Variants in MTAP observed in about 807,000 individuals in gnomAD.
MTAP encodes the protein S-methyl-5'-thioadenosine phosphorylase.
A neutral mutation model predicts 33.6 loss-of-function variants in MTAP; 33 were observed. The observed-to-expected ratio is 0.98, with a 90% CI of 0.74 to 1.31. The LOEUF (loss-of-function observed/expected upper bound fraction) is 1.31. Ranked by LOEUF, MTAP falls within the 40% of genes most tolerant of loss-of-function variation. The pLI is 0.00. For synonymous variants in MTAP, 148 were observed against 125.7 expected (o/e 1.18, Z -1.19); for missense variants, 367 against 360.0 (o/e 1.02, Z -0.16).
At chr9:21,924,788 AAGTT>A (rs1413010166) in intron 1 of MTAP, among the ~76,000 whole-genome samples, 2 of 152,224 alleles carry the variant, frequency 1.3e-5, no homozygotes, top group Non-Finnish European at 2.9e-5. Context: ...TCCCTTCAAG[AAGTT>A]AGTTGACCTA....
intron 1 of MTAP, among the ~76,000 whole-genome samples, chr9:21,883,936 A>G (rs1396351194): frequency 6.6e-6 from 1 of 151,762 alleles, no homozygotes; most frequent in East Asian, 1.9e-4. Context: ...GTCATGTGGG[A>G]GCTTTGGTTT....
intron 4 of MTAP, among the ~76,000 whole-genome samples, chr9:21,827,904 A>G (rs574605420): frequency 1.3e-5 from 2 of 152,374 alleles, no homozygotes; most frequent in Admixed American, 1.3e-4. Flanking sequence ...CATATTCAGG[A>G]TGATCCAGAT....
chr9:21,924,846 T>A (rs1220627538), intron 1 of MTAP, among the ~76,000 whole-genome samples: 1 of 152,214 alleles, frequency 6.6e-6, no homozygotes, highest in Non-Finnish European at 1.5e-5. Flanking sequence ...TGAGTCAAAT[T>A]AAAACAGAAC....
At chr9:21,885,106 A>T (rs1395070537) in intron 1 of MTAP, among the ~76,000 whole-genome samples, 6 of 152,112 alleles carry the variant, frequency 3.9e-5, no homozygotes, top group Non-Finnish European at 8.8e-5. Context: ...TTCATACTTT[A>T]TATATAAATT....
intron 1 of MTAP, among the ~76,000 whole-genome samples, chr9:21,916,371 A>G (rs117590234): frequency 0.025 from 3,769 of 152,246 alleles, 108 homozygotes; most frequent in Admixed American, 0.081. Context: ...GCACTTTAGG[A>G]GGCCGAGACG....
intron 7 of MTAP, chr9:21,861,351 A>G (rs1825748883): frequency 6.6e-6 from 1 of 152,238 alleles, no homozygotes; most frequent in South Asian, 2.1e-4. Context: ...ACATACATAT[A>G]CACACACACA....
chr9:21,863,421 T>G lies in MTAP; in HGVS notation c.*1407T>G, dbSNP rs1478663053. 1.5e-6 allele frequency: 1 copy of G among 689,448 alleles called. No individual in the cohort carries two copies. Among genetic ancestry groups the G allele is most frequent in the Non-Finnish European group, 1.8e-6 (1 of 559,872 alleles). The allele number at this position is 689,448 out of a possible 1,614,324, so 42.7% of individuals were successfully genotyped here. ...AGGAGATCGAGACCATCCTGGCTAATGCGTTGAAACTCCGTCTCTACTAAA... is the reference window on the plus strand; with the variant it reads ...AGGAGATCGAGACCATCCTGGCTAAGGCGTTGAAACTCCGTCTCTACTAAA... On this transcript the variant is annotated 3_prime_UTR_variant, in exon 8 of 8. Transcript: ENST00000644715.
intron 5 of MTAP, among the ~76,000 whole-genome samples, chr9:21,843,389 T>TAA (rs1452261098): frequency 6.6e-6 from 1 of 152,160 alleles, no homozygotes; most frequent in African/African-American, 2.4e-5. Flanking sequence ...ACAATGGACT[T>TAA]AAACTATAAC....
chr9:21,901,356 G>A (rs191226217), intron 1 of MTAP, among the ~76,000 whole-genome samples: 1 of 152,134 alleles, frequency 6.6e-6, no homozygotes, highest in Non-Finnish European at 1.5e-5. Context: ...AATTTTTTTA[G>A]TATTCATAAC....
chr9:21,823,758 G>A (rs1329107695), intron 4 of MTAP, among the ~76,000 whole-genome samples: 4 of 152,174 alleles, frequency 2.6e-5, no homozygotes, highest in African/African-American at 9.7e-5. Flanking sequence ...CCAATCAGAT[G>A]TAGATTTGGT....
chr9:21,826,270 A>C (rs1436817220), intron 4 of MTAP, among the ~76,000 whole-genome samples: 1 of 151,216 alleles, frequency 6.6e-6, no homozygotes, highest in Non-Finnish European at 1.5e-5. Flanking sequence ...TTGTCTCATG[A>C]ACTTTTTTTT....
At chr9:21,937,343 A>C (rs1329155014) in exon 8 of MTAP, 1 of 152,218 alleles carries the variant, frequency 6.6e-6, no homozygotes, top group African/African-American at 2.4e-5. Context: ...ATCTCAAAAA[A>C]AAAAAGAGTC....
chr9:21,936,420 C>T (rs1349578200), exon 8 of MTAP: 1 of 152,182 alleles, frequency 6.6e-6, no homozygotes, highest in Non-Finnish European at 1.5e-5. Flanking sequence ...ACTTTTCTTT[C>T]TCAATAGCTT....
At chr9:21,928,476 G>A (rs1054172176) in intron 1 of MTAP, among the ~76,000 whole-genome samples, 1 of 152,070 alleles carries the variant, frequency 6.6e-6, no homozygotes, top group Admixed American at 6.5e-5. Flanking sequence ...GGTCTGTGTA[G>A]GTACCTTCAC....
chr9:21,912,418 C>A (rs10119704), intron 1 of MTAP, among the ~76,000 whole-genome samples: 3,227 of 152,166 alleles, frequency 0.021, 119 homozygotes, highest in African/African-American at 0.071. Context: ...GCAGCACATC[C>A]AAAAGCTTAA....
At chr9:21,848,404 T>A (rs1156596548) in intron 5 of MTAP, among the ~76,000 whole-genome samples, 3 of 125,076 alleles carry the variant, frequency 2.4e-5, no homozygotes, top group African/African-American at 8.3e-5. Context: ...GAAAATGGAG[T>A]TGGATCAGGC....
intron 6 of MTAP, chr9:21,856,118 C>T (rs894486038): frequency 1.1e-5 from 11 of 980,272 alleles, no homozygotes; most frequent in African/African-American, 3.5e-5. Flanking sequence ...TAAACTAGAT[C>T]GTTCGTCCTG....
intron 4 of MTAP, among the ~76,000 whole-genome samples, chr9:21,830,489 A>G (rs1249451575): frequency 6.6e-6 from 1 of 152,220 alleles, no homozygotes; most frequent in East Asian, 1.9e-4. Flanking sequence ...AGGGTAAAAG[A>G]TGGTTAGGAG....
At position 21,915,084 on chromosome 9, in the gene MTAP, C is replaced by CTTTCTCTTTCTTTCTTTCTTTCTTT. The variant is rs369342496; in HGVS notation, c.148-15924_148-15923insTTTCTCTTTCTTTCTTTCTTTCTTT. Among the ~76,000 whole-genome samples the CTTTCTCTTTCTTTCTTTCTTTCTTT allele has an allele frequency of 5.5e-5, 4 of 72,430 alleles. 1 individual carries two copies. Among genetic ancestry groups the CTTTCTCTTTCTTTCTTTCTTTCTTT allele is most frequent in the African/African-American group, 4.2e-4 (4 of 9,520 alleles). The allele number at this position is 72,430 out of a possible 152,430, so 47.5% of individuals were successfully genotyped here. The stretch of plus-strand genomic sequence containing the variant: ...TCTTTCTTTCTTTCTTTCTTTCTTT[C>CTTTCTCTTTCTTTCTTTCTTTCTTT]CTTTCTTTCTTTTCTTTCGGCAGAG... On this transcript the variant is annotated intron_variant, in intron 1 of 1. Coordinates refer to the MTAP transcript ENST00000577563.
Sources: gnomAD v4.1 joint callset for allele counts (sites outside exome capture counted in the v4.1 genomes callset) on GRCh38, gnomAD v4.1.1 for gene constraint, MANE v1.5 for transcripts, NCBI Gene and HGNC (gene_info 2026-07-23, HGNC 2026-07-21) for gene names.